The following EPB41 variants were observed in gnomAD, a reference collection of about 807,000 sequenced individuals.
The protein encoded by EPB41 is protein 4.1.
Under a neutral mutation model 108.0 loss-of-function variants are expected in EPB41, and 65 were observed. The ratio of observed to expected loss-of-function variants is 0.60; its 90% CI spans 0.49 to 0.74. EPB41 has a LOEUF of 0.74. Among genes scored for constraint, EPB41 ranks in the 30% least tolerant of loss-of-function variants. The pLI is 0.00. For synonymous variants in EPB41, 336 were observed against 358.9 expected, an observed-to-expected ratio of 0.94 and a Z score of 0.72; for missense variants, 875 against 1,037.0, an observed-to-expected ratio of 0.84 and a Z score of 2.15.
intron 1 of EPB41, among the ~76,000 whole-genome samples, chr1:28,918,222 T>A (rs957406030): frequency 2.2e-4 from 33 of 151,862 alleles, no homozygotes; most frequent in African/African-American, 7.7e-4. Context: ...CAGCTAAATT[T>A]TTGTATTTTT....
At chr1:28,914,883 CG>C in intron 1 of EPB41, 115 bp downstream of exon 1, 2 of 150,766 alleles carry the variant, frequency 1.3e-5, no homozygotes, top group Admixed American at 1.3e-4. Context: ...CTGCAACCCC[CG>C]ACAGGCCCCG....
chr1:28,967,742 A>G (rs1041201254), intron 1 of EPB41, among the ~76,000 whole-genome samples: 2 of 150,956 alleles, frequency 1.3e-5, no homozygotes, highest in Non-Finnish European at 2.9e-5. Context: ...AGTAGATGGG[A>G]TTACAGGTGT....
chr1:29,086,940 C>CTTTTTTTTT lies in EPB41; in HGVS notation c.2185-10853_2185-10845dup, dbSNP rs386366593. Among the ~76,000 whole-genome samples, 19 of 98,546 alleles carry CTTTTTTTTT rather than the reference C, an allele frequency of 1.9e-4. 1 individual carries two copies. The highest frequency in any genetic ancestry group is 4.0e-4 in the African/African-American group (10 of 25,184). 64.7% of individuals were successfully genotyped at this position (98,546 alleles called of 152,430 possible). On this transcript the variant is annotated intron_variant, in intron 16 of 20. Transcript: ENST00000343067. ...CACTCTTGTAAGCTTAACTGTGGTT[C>CTTTTTTTTT]TTTTTTTTTTTTTTTTTTTTTTGAG...
intron 11 of EPB41, among the ~76,000 whole-genome samples, chr1:29,040,570 C>T (rs1641114198): frequency 6.6e-6 from 1 of 152,134 alleles, no homozygotes. Context: ...TGTGATCCAC[C>T]ATGCCCAGCC....
chr1:28,921,960 A>ATATATATATATATATATATATATG (rs2093116851), intron 1 of EPB41, among the ~76,000 whole-genome samples: 2 of 113,994 alleles, frequency 1.8e-5, no homozygotes, highest in African/African-American at 6.7e-5. Context: ...ATATATATAT[A>ATATATATATATATATATATATATG]TACACTTTTT....
intron 1 of EPB41, among the ~76,000 whole-genome samples, chr1:28,895,253 A>T (rs965726235): frequency 6.6e-6 from 1 of 152,124 alleles, no homozygotes; most frequent in African/African-American, 2.4e-5. Context: ...CTCACTAGTC[A>T]TCATGTGTAT....
chr1:28,957,652 G>A (rs1290791464), intron 1 of EPB41, among the ~76,000 whole-genome samples: 3 of 152,104 alleles, frequency 2.0e-5, no homozygotes, highest in South Asian at 2.1e-4. Flanking sequence ...CGATCCACCC[G>A]CCTTGGCCTC....
intron 14 of EPB41, among the ~76,000 whole-genome samples, chr1:29,059,832 CTG>C (rs1350691514): frequency 6.6e-6 from 1 of 152,196 alleles, no homozygotes; most frequent in African/African-American, 2.4e-5. Context: ...GCCGACTTCT[CTG>C]TGCCTCATTC....
chr1:29,060,592 G>A, intron 15 of EPB41, 108 bp downstream of exon 15: 1 of 938,912 alleles, frequency 1.1e-6, no homozygotes, highest in Non-Finnish European at 1.7e-6. Context: ...GCATGCAATT[G>A]CATGAAGGGA....
In EPB41 at chr1:28,941,502, A is replaced by G. The variant is rs538630277; in HGVS notation, c.-8+26734A>G. Among the ~76,000 whole-genome samples the G allele has an allele frequency of 3.3e-5, 5 of 152,358 alleles. No individual in the cohort carries two copies. In the East Asian group the frequency reaches 9.6e-4, roughly 29 times the overall value. On this transcript the variant is annotated intron_variant, in intron 1 of 20. Transcript: ENST00000343067. ...AAACGTTTACAGTGAATTTTTACTG[A>G]GTCATAAGAAATATTTGTCAAATGT...
chr1:29,098,259 A>G (rs1663945079), intron 17 of EPB41, among the ~76,000 whole-genome samples: 1 of 152,092 alleles, frequency 6.6e-6, no homozygotes, highest in Non-Finnish European at 1.5e-5. Flanking sequence ...CAGTGGCGCA[A>G]TCTCGGCTCA....
intron 17 of EPB41, 148 bp downstream of exon 17, chr1:29,098,083 C>T: frequency 8.3e-7 from 1 of 1,211,412 alleles, no homozygotes; most frequent in African/African-American, 1.5e-5. Context: ...TAAGAAGGTC[C>T]CAGACTACTT....
In EPB41 at chr1:29,035,718, A is replaced by T. The variant is rs560085823; in HGVS notation, c.1366-108A>T. 6.6e-4 allele frequency: 547 copies of T among 822,658 alleles called. 2 individuals carry two copies. The highest frequency in any genetic ancestry group is 9.4e-4 in the Admixed American group (42 of 44,756). 51.0% of individuals were successfully genotyped at this position (822,658 alleles called of 1,614,324 possible). On this transcript the variant is annotated intron_variant, in intron 9 of 20. Coordinates refer to ENST00000343067, the MANE Select transcript of EPB41 (RefSeq NM_001376013.1). ...GACATTTTATGTCCTTAAATTGGTA[A>T]CAATGGCCTCTTCTGTGGCACCATA...
At chr1:28,958,886 C>A (rs550657493) in intron 1 of EPB41, among the ~76,000 whole-genome samples, 1 of 149,904 alleles carries the variant, frequency 6.7e-6, no homozygotes, top group Non-Finnish European at 1.5e-5. Context: ...GCAAAGCTGT[C>A]CAATATTTAA....
intron 17 of EPB41, among the ~76,000 whole-genome samples, chr1:29,108,853 G>GGCC (rs1412050604): frequency 1.3e-5 from 2 of 148,776 alleles, no homozygotes; most frequent in African/African-American, 2.5e-5. Context: ...CACCGAGCAT[G>GGCC]GCCCAATTTA....
intron 16 of EPB41, among the ~76,000 whole-genome samples, chr1:29,091,875 G>A (rs987782841): frequency 3.3e-5 from 5 of 152,126 alleles, no homozygotes; most frequent in African/African-American, 1.2e-4. Context: ...GTTTCAAAAT[G>A]GCTTGGGAGT....
intron 1 of EPB41, among the ~76,000 whole-genome samples, chr1:28,899,262 A>G (rs1014700079): frequency 2.0e-5 from 3 of 152,216 alleles, no homozygotes; most frequent in Non-Finnish European, 4.4e-5. Flanking sequence ...GCACCTAGTG[A>G]GTCCTCAGTG....
At chr1:29,020,511 C>T (rs1477811265) in intron 7 of EPB41, among the ~76,000 whole-genome samples, 6 of 151,702 alleles carry the variant, frequency 4.0e-5, no homozygotes, top group Admixed American at 2.0e-4. Context: ...TTTTTATTAC[C>T]TAATAATTTA....
Position 28,996,994 on chromosome 1 carries a change from T to C in EPB41, c.682-221T>C, listed in dbSNP as rs147787352. Among the ~76,000 whole-genome samples, 569 of 151,952 alleles carry C rather than the reference T, an allele frequency of 3.7e-3. 6 individuals are homozygous for C. Among genetic ancestry groups the C allele is most frequent in the African/African-American group, 0.013 (527 of 41,440 alleles). ...ATAATGAGACTCTCTCTACAAAAAA[T>C]TTTAAAAATTAGTCAGGCATGGTGG... On this transcript the variant is annotated intron_variant, in intron 3 of 20. Transcript: ENST00000343067.
Sources: allele counts gnomAD v4.1 joint callset (sites outside exome capture counted in the v4.1 genomes callset), GRCh38; gene constraint gnomAD v4.1.1; transcripts MANE v1.5; gene names NCBI Gene and HGNC (gene_info 2026-07-23, HGNC 2026-07-21).